The following PARD3 variants were observed in gnomAD, a reference collection of about 807,000 sequenced individuals.
The protein encoded by PARD3 is partitioning defective 3 homolog.
A neutral mutation model predicts 155.4 loss-of-function variants in PARD3; 75 were observed. That is an observed-to-expected ratio of 0.48 (90% CI 0.40 to 0.58). The LOEUF (loss-of-function observed/expected upper bound fraction) is 0.58, where lower values mean the gene tolerates loss of function less well. Among genes scored for constraint, PARD3 ranks in the 20% least tolerant of loss-of-function variants. The pLI is 0.00. For synonymous variants in PARD3, 576 were observed against 610.5 expected, an observed-to-expected ratio of 0.94 and a Z score of 0.83; for missense variants, 1,642 against 1,721.7, an observed-to-expected ratio of 0.95 and a Z score of 0.82.
At chr10:34,179,332 T>G (rs1017779187) in intron 22 of PARD3, among the ~76,000 whole-genome samples, 5 of 152,292 alleles carry the variant, frequency 3.3e-5, no homozygotes, top group African/African-American at 9.6e-5. Flanking sequence ...TGAATGCTGC[T>G]CCTTCTCCAA....
At position 34,119,656 on chromosome 10, in the gene PARD3, C is replaced by T; in HGVS notation, c.3625G>A (p.Glu1209Lys). The stretch of plus-strand genomic sequence containing the variant: ...TGGCGCTGGGCCTGCTGGGAGCTCT[C>T]GCGCTCCTCCTGCCGCTGCCGCTGC... ...QMQRQRQEER[E>K]SSQQAQRQYS... Residue 1209 changes from glutamate to lysine, a missense_variant, in exon 24 of 25, where the codon GAG becomes AAG. By Grantham distance (56) the Glu-to-Lys change is moderately conservative. Transcript: ENST00000374788. 10 of 1,610,526 alleles carry T rather than the reference C, an allele frequency of 6.2e-6. No individual in the cohort carries two copies. The highest frequency in any genetic ancestry group is 7.6e-6 in the Non-Finnish European group (9 of 1,178,872).
At chr10:34,619,262 C>T (rs1034126967) in intron 2 of PARD3, among the ~76,000 whole-genome samples, 1 of 151,974 alleles carries the variant, frequency 6.6e-6, no homozygotes, top group Non-Finnish European at 1.5e-5. Flanking sequence ...GTTGGCCAGG[C>T]TGGTCTCGAA....
intron 2 of PARD3, among the ~76,000 whole-genome samples, chr10:34,556,204 T>C (rs1166461855): frequency 6.6e-6 from 1 of 152,192 alleles, no homozygotes; most frequent in East Asian, 1.9e-4. Context: ...TGGTTGAGGT[T>C]ATGAAGAACC....
Position 34,720,448 on chromosome 10 carries a change from C to CAA in PARD3, c.121-24031_121-24030dup, listed in dbSNP as rs10603866. Among the ~76,000 whole-genome samples the CAA allele has an allele frequency of 6.6e-3, 373 of 56,856 alleles. 35 individuals are homozygous for CAA. The highest frequency in any genetic ancestry group is 0.021 in the African/African-American group (303 of 14,672). 37.3% of individuals were successfully genotyped at this position (56,856 alleles called of 152,430 possible). On this transcript the variant is annotated intron_variant, in intron 1 of 24. Transcript: ENST00000374788. ...CCTGGGCAACAGAGCAAGGCTCTGT[C>CAA]AAAAAAAAAAAAAAAAAAAAAAAAA...
At chr10:34,805,568 C>CACAT (rs1554837175) in intron 1 of PARD3, among the ~76,000 whole-genome samples, 5 of 109,346 alleles carry the variant, frequency 4.6e-5, no homozygotes, top group African/African-American at 1.1e-4. Context: ...TATATATATA[C>CACAT]ACCGTACAGT....
At chr10:34,527,508 A>G (rs1240658131) in intron 2 of PARD3, among the ~76,000 whole-genome samples, 2 of 152,226 alleles carry the variant, frequency 1.3e-5, no homozygotes, top group African/African-American at 2.4e-5. Flanking sequence ...GAGGGTAGAT[A>G]GAGAAGAAAA....
At chr10:34,673,550 G>A (rs2093645366) in intron 2 of PARD3, among the ~76,000 whole-genome samples, 1 of 152,124 alleles carries the variant, frequency 6.6e-6, no homozygotes. Context: ...TATTTACACA[G>A]GAAAGCAATG....
chr10:34,354,427 CTGTGCTGA>C (rs1445962357), intron 14 of PARD3, among the ~76,000 whole-genome samples: 1 of 151,896 alleles, frequency 6.6e-6, no homozygotes, highest in African/African-American at 2.4e-5. Context: ...GTCATTCAGC[CTGTGCTGA>C]TGTGTCAGGC....
intron 1 of PARD3, among the ~76,000 whole-genome samples, chr10:34,712,391 C>A (rs532233083): frequency 6.6e-6 from 1 of 152,222 alleles, no homozygotes; most frequent in Admixed American, 6.5e-5. Context: ...CCTGGTGCTG[C>A]GCCCACCTCC....
chr10:34,336,193 T>A lies in PARD3; in HGVS notation c.2605+6A>T. 1 of 1,610,194 alleles carries A rather than the reference T, an allele frequency of 6.2e-7. No homozygotes were observed. On this transcript the variant is annotated splice_donor_region_variant and intron_variant, in intron 18 of 24. Coordinates refer to ENST00000374788, the MANE Select transcript of PARD3 (RefSeq NM_001184785.2). ...CTATGGCAACAGTCTAACTGTCCAT[T>A]CTTACCTGCTTTCTGGTCATCCACT...
intron 22 of PARD3, among the ~76,000 whole-genome samples, chr10:34,151,110 T>C (rs929600640): frequency 1.4e-4 from 21 of 152,218 alleles, no homozygotes; most frequent in African/African-American, 4.3e-4. Context: ...AGAAAGCTGA[T>C]TGGACATCTT....
chr10:34,210,098 A>G (rs540558488), intron 22 of PARD3, among the ~76,000 whole-genome samples: 7 of 152,344 alleles, frequency 4.6e-5, no homozygotes, highest in African/African-American at 1.7e-4. Flanking sequence ...CTGTGTCTTT[A>G]TGAAATGTGC....
chr10:34,359,441 C>T (rs1589296997), intron 13 of PARD3, 124 bp from the exon 14 acceptor site: 1 of 687,508 alleles, frequency 1.5e-6, no homozygotes, highest in South Asian at 2.1e-5. Flanking sequence ...GAGCTTTAAT[C>T]CTAATGGATT....
In PARD3 at chr10:34,191,393, A is replaced by T. The variant is rs565234169; in HGVS notation, c.3420-59810T>A. Among the ~76,000 whole-genome samples, 4 of 152,268 alleles carry T rather than the reference A, an allele frequency of 2.6e-5. No individual in the cohort carries two copies. In the East Asian group the frequency reaches 7.8e-4, roughly 30 times the overall value. On this transcript the variant is annotated intron_variant, in intron 22 of 24. Coordinates refer to ENST00000374788, the MANE Select transcript of PARD3 (RefSeq NM_001184785.2). ...AAGTAGAGGAATCACTAACCCAACC[A>T]GTCACTGGCTGAGAGGCAGCCACTG...
At chr10:34,777,137 C>A (rs1276971342) in intron 1 of PARD3, among the ~76,000 whole-genome samples, 1 of 151,870 alleles carries the variant, frequency 6.6e-6, no homozygotes, top group Non-Finnish European at 1.5e-5. Flanking sequence ...AGGCGTGAGC[C>A]ACCATGCCTG....
chr10:34,790,901 A>G (rs1442284250), intron 1 of PARD3, among the ~76,000 whole-genome samples: 1 of 152,230 alleles, frequency 6.6e-6, no homozygotes, highest in Non-Finnish European at 1.5e-5. Context: ...ACAGTCAGTT[A>G]TGGCCATCCC....
At chr10:34,245,226 G>A (rs1168952230) in intron 22 of PARD3, among the ~76,000 whole-genome samples, 2 of 152,144 alleles carry the variant, frequency 1.3e-5, no homozygotes, top group East Asian at 3.9e-4. Flanking sequence ...TGGCATTGGA[G>A]AATCAGGAGA....
At chr10:34,182,369 T>C (rs1950305772) in intron 22 of PARD3, among the ~76,000 whole-genome samples, 1 of 152,152 alleles carries the variant, frequency 6.6e-6, no homozygotes, top group Non-Finnish European at 1.5e-5. Context: ...AAAAATGATT[T>C]AACAAAAAAA....
At chr10:34,163,409 A>G (rs1471522347) in intron 22 of PARD3, among the ~76,000 whole-genome samples, 4 of 152,218 alleles carry the variant, frequency 2.6e-5, no homozygotes, top group Admixed American at 2.6e-4. Flanking sequence ...AAGAAAGGGC[A>G]TGAGATGAAA....
Sources: gnomAD v4.1 joint callset for allele counts (sites outside exome capture counted in the v4.1 genomes callset) on GRCh38, gnomAD v4.1.1 for gene constraint, MANE v1.5 for transcripts, NCBI Gene and HGNC (gene_info 2026-07-23, HGNC 2026-07-21) for gene names.